Variants in NCLN observed in about 807,000 individuals in gnomAD.
The protein encoded by NCLN is nicalin, also known as BOS complex subunit NCLN.
NCLN carries 34 observed loss-of-function variants against 69.5 expected under a neutral mutation model. That is an observed-to-expected ratio of 0.49 (90% CI 0.37 to 0.65). The LOEUF (loss-of-function observed/expected upper bound fraction) is 0.65, where lower values mean the gene tolerates loss of function less well. Ranked by LOEUF, NCLN falls within the 30% of genes least tolerant of loss-of-function variation. NCLN has a pLI of 0.00. For missense variants in NCLN, 710 were observed against 804.8 expected (o/e 0.88, Z 1.42); for synonymous variants, 393 against 358.3 (o/e 1.10, Z -1.09).
intron 1 of NCLN, among the ~76,000 whole-genome samples, chr19:3,190,328 A>G (rs1439305290): frequency 6.6e-6 from 1 of 152,106 alleles, no homozygotes; most frequent in African/African-American, 2.4e-5. Flanking sequence ...TGGCTCCTCC[A>G]TCCCAGGCCT....
intron 1 of NCLN, among the ~76,000 whole-genome samples, chr19:3,188,457 G>A (rs574161743): frequency 6.6e-6 from 1 of 152,264 alleles, no homozygotes; most frequent in African/African-American, 2.4e-5. Flanking sequence ...TTCCTTGTGT[G>A]GCCTCTTGTT....
intron 10 of NCLN, 38 bp downstream of exon 10, chr19:3,206,064 C>G: frequency 3.7e-6 from 6 of 1,601,234 alleles, no homozygotes; most frequent in Non-Finnish European, 5.1e-6. Context: ...GACCCAGCCC[C>G]AGCCCTGCCC....
Position 3,192,568 on chromosome 19 carries a change from G to A in NCLN, c.283G>A (p.Glu95Lys), listed in dbSNP as rs752660243. Residue 95 changes from glutamate to lysine, a missense_variant, in exon 2 of 15, where the codon GAG becomes AAG. Glu to Lys is a moderately conservative substitution (Grantham distance 56, BLOSUM62 1). Coordinates refer to ENST00000246117, the MANE Select transcript of NCLN (RefSeq NM_020170.4). ...CATGCGGCTACTGGACTTCTCCTAC[G>A]AGCAGTACCAGAAGGCCCTGCGGCA... ...VLMRLLDFSY[E>K]QYQKALRQSA... The A allele has an allele frequency of 7.5e-6, 12 of 1,609,814 alleles. No individual in the cohort carries two copies. The highest frequency in any genetic ancestry group is 3.3e-5 in the Admixed American group (2 of 59,724).
rs1216554582 is a variant in NCLN at position 3,209,327 on chromosome 19, C to T, written c.*1639C>T. 1 of 152,294 alleles carries T rather than the reference C, an allele frequency of 6.6e-6. No homozygotes were observed. Among genetic ancestry groups the T allele is most frequent in the Non-Finnish European group, 1.5e-5 (1 of 68,076 alleles). The allele number at this position is 152,294 out of a possible 1,614,324, so 9.4% of individuals were successfully genotyped here. On this transcript the variant is annotated 3_prime_UTR_variant, in exon 15 of 15. Coordinates refer to ENST00000246117, the MANE Select transcript of NCLN (RefSeq NM_020170.4). ...GGGCCCATCACCACTGGCCTCTGGGCACTTGTGCTGAGACTCTGGGACCCA... is the reference window on the plus strand; with the variant it reads ...GGGCCCATCACCACTGGCCTCTGGGTACTTGTGCTGAGACTCTGGGACCCA...
At chr19:3,193,474 G>C (rs1915883959) in intron 3 of NCLN, 46 bp downstream of exon 3, 4 of 1,542,862 alleles carry the variant, frequency 2.6e-6, no homozygotes, top group Non-Finnish European at 3.5e-6. Context: ...GTGGGTGTGG[G>C]GAGGCGTCCC....
chr19:3,196,144 G>C, intron 3 of NCLN, 39 bp from the exon 4 acceptor site: 1 of 1,468,982 alleles, frequency 6.8e-7, no homozygotes, highest in Non-Finnish European at 9.2e-7. Flanking sequence ...CTGGGGCCCT[G>C]GCTGGGCCAA....
chr19:3,191,448 T>C (rs765710529), intron 1 of NCLN, among the ~76,000 whole-genome samples: 11 of 152,182 alleles, frequency 7.2e-5, no homozygotes, highest in Non-Finnish European at 1.5e-5. Context: ...CCCAAGCTGC[T>C]GAGCCTTCTG....
rs1916248111 is a variant in NCLN, at chr19:3,205,796, G to A, written c.1209-143G>A. 5.0e-6 allele frequency: 4 copies of A among 795,882 alleles called. No homozygotes were observed. The highest frequency in any genetic ancestry group is 1.7e-5 in the African/African-American group (1 of 57,352). 49.3% of individuals were successfully genotyped at this position (795,882 alleles called of 1,614,324 possible). A position where few individuals can be genotyped will look rare whatever the true frequency, so the allele number is the denominator to read the frequency against. On this transcript the variant is annotated intron_variant, in intron 9 of 14. Transcript: ENST00000246117. This position sits in a 1 kb window ranked among gnomAD's most constrained non-coding sequence, Gnocchi z 4.6. ...TCTGCATCTACATGTTAGCCAAGTA[G>A]TTAAAGCTAAGCTTAATTTTTTTTT...
chr19:3,206,367 C>T lies in NCLN; in HGVS notation c.1441C>T (p.His481Tyr), dbSNP rs778619760. 10 of 1,548,162 alleles carry T rather than the reference C, an allele frequency of 6.5e-6. No individual in the cohort carries two copies. Among genetic ancestry groups the T allele is most frequent in the South Asian group, 1.2e-5 (1 of 83,988 alleles). ...CAGCACCTTCCTCAGCACGCTGGAG[C>T]ACCACCTGAGCCGCTACCTGAAGGA... ...KDSTFLSTLE[H>Y]HLSRYLKDVK... The change falls in exon 12 of 15, where the codon CAC becomes TAC. Residue 481 changes from histidine to tyrosine, a missense_variant. By Grantham distance (83) the His-to-Tyr change is moderately conservative. Coordinates refer to ENST00000246117, the MANE Select transcript of NCLN (RefSeq NM_020170.4).
chr19:3,198,448 A>G, intron 4 of NCLN, among the ~76,000 whole-genome samples: 1 of 148,664 alleles, frequency 6.7e-6, no homozygotes, highest in Non-Finnish European at 1.5e-5. Flanking sequence ...TGGAGCTTGC[A>G]GTGAGCCGAG....
In NCLN at chr19:3,204,087, G is replaced by A; in HGVS notation, c.972G>A (p.Val324=). Residue 324 remains valine, a synonymous_variant, in exon 8 of 15, where the codon GTG becomes GTA. Transcript: ENST00000246117. ...VGRGSSLHLH[V]SKPPREGTLQ... is the part of the protein sequence containing the mutation. The stretch of plus-strand genomic sequence containing the variant: ...GGGGCAGCAGCCTGCACCTGCACGT[G>A]TCCAAGCCGCCTCGGGAGGGCACCC... 1 of 1,539,728 alleles carries A rather than the reference G, an allele frequency of 6.5e-7. No individual in the cohort carries two copies. The highest frequency in any genetic ancestry group is 8.7e-7 in the Non-Finnish European group (1 of 1,145,418).
intron 6 of NCLN, among the ~76,000 whole-genome samples, chr19:3,202,873 G>A (rs1366838615): frequency 2.0e-5 from 3 of 152,128 alleles, no homozygotes; most frequent in Non-Finnish European, 4.4e-5. Context: ...GGGCTTCTTG[G>A]CAGCTGGGGA....
chr19:3,198,807 C>T lies in NCLN; in HGVS notation c.616-10C>T, dbSNP rs375378198. 1.3e-6 allele frequency: 2 copies of T among 1,579,526 alleles called. No individual in the cohort carries two copies. Among genetic ancestry groups the T allele is most frequent in the Non-Finnish European group, 1.7e-6 (2 of 1,164,076 alleles). On this transcript the variant is annotated splice_polypyrimidine_tract_variant and intron_variant, in intron 4 of 14. Coordinates refer to ENST00000246117, the MANE Select transcript of NCLN (RefSeq NM_020170.4). The stretch of plus-strand genomic sequence containing the variant: ...AACAGCCAGGCCATTCCCCTGCTCT[C>T]TATCCACAGGGGCGGCTGACGGGGC...
chr19:3,197,377 G>T (rs1915991686), intron 4 of NCLN, among the ~76,000 whole-genome samples: 1 of 152,222 alleles, frequency 6.6e-6, no homozygotes, highest in Non-Finnish European at 1.5e-5. Context: ...GACTCCCACA[G>T]CCAGACGGGG....
chr19:3,204,175 G>T (rs1916200086), intron 8 of NCLN, 31 bp downstream of exon 8: 1 of 1,489,140 alleles, frequency 6.7e-7, no homozygotes, highest in African/African-American at 1.4e-5. Context: ...TGGGTCCGGA[G>T]CTCTGCGGAG....
intron 4 of NCLN, 23 bp downstream of exon 4, chr19:3,196,300 C>G (rs1358584404): frequency 6.6e-7 from 1 of 1,510,686 alleles, no homozygotes; most frequent in South Asian, 1.2e-5. Flanking sequence ...TGCCCCGGAG[C>G]CAGCCCCACG....
At chr19:3,192,738 G>T (rs1330165276) in intron 2 of NCLN, 78 bp downstream of exon 2, 1 of 1,330,734 alleles carries the variant, frequency 7.5e-7, no homozygotes, top group South Asian at 1.6e-5. Flanking sequence ...GACCCTAGGC[G>T]GGTCACTTCG....
chr19:3,193,199 C>G (rs1915874695), intron 2 of NCLN, 85 bp from the exon 3 acceptor site: 2 of 1,322,268 alleles, frequency 1.5e-6, no homozygotes, highest in Non-Finnish European at 2.1e-6. Context: ...CCCTGCTACC[C>G]CCACCAGGGA....
intron 4 of NCLN, among the ~76,000 whole-genome samples, chr19:3,197,374 A>G (rs1244977082): frequency 6.6e-6 from 1 of 152,216 alleles, no homozygotes; most frequent in Non-Finnish European, 1.5e-5. Context: ...GTAGACTCCC[A>G]CAGCCAGACG....
Sources: allele counts gnomAD v4.1 joint callset (sites outside exome capture counted in the v4.1 genomes callset), GRCh38; gene constraint gnomAD v4.1.1; non-coding constraint Gnocchi (gnomAD v3.1); transcripts MANE v1.5; gene names NCBI Gene and HGNC (gene_info 2026-07-23, HGNC 2026-07-21).